Variants in MYOM2 observed in about 807,000 individuals in gnomAD.
MYOM2 encodes myomesin 2.
In MYOM2, 254 loss-of-function variants were observed where a neutral mutation model predicts 187.6. That is an observed-to-expected ratio of 1.35 (90% CI 1.22 to 1.50). The LOEUF (loss-of-function observed/expected upper bound fraction) is 1.50. MYOM2 is among the 40% of genes most tolerant of loss of function. The pLI is 0.00. For missense variants in MYOM2, 2,796 were observed against 1,924.0 expected (o/e 1.45, Z -8.48); for synonymous variants, 981 against 753.8 (o/e 1.30, Z -4.94).
rs2116842467 is a variant in MYOM2 at position 2,118,027 on chromosome 8, GCTGTGGCCAGAT to G, written c.3453+81_3453+92del. The G allele has an allele frequency of 2.3e-6, 3 of 1,308,190 alleles. No homozygotes were observed. The South Asian group carries it at 3.7e-5, about 16-fold the overall frequency. The allele number at this position is 1,308,190 out of a possible 1,614,324, so 81.0% of individuals were successfully genotyped here. On this transcript the variant is annotated intron_variant, in intron 28 of 36. Transcript: ENST00000262113. ...TATCAGAGAGGCCTTTCAGGGAGTA[GCTGTGGCCAGAT>G]CTGTGATGCTGGTGAGGAAACGTGT...
At position 2,085,274 on chromosome 8, in the gene MYOM2, G is replaced by A; in HGVS notation, c.1528G>A (p.Val510Ile). 1.2e-6 allele frequency: 2 copies of A among 1,614,044 alleles called. No individual in the cohort carries two copies. Among genetic ancestry groups the A allele is most frequent in the Non-Finnish European group, 1.7e-6 (2 of 1,179,988 alleles). The change falls in exon 14 of 37, where the codon GTT becomes ATT. Residue 510 changes from valine (V) to isoleucine (I), a missense_variant. Coordinates refer to ENST00000262113, the MANE Select transcript of MYOM2 (RefSeq NM_003970.4). ...TATTATTCCTCCAGGTGACGCCCAG[G>A]TTCCAGGGCCTCCCACCGGTGTGCA... ...YQDDLEGDAQVPGPPTGVHAS... is the reference protein window; with the variant it reads ...YQDDLEGDAQIPGPPTGVHAS...
chr8:2,104,123 C>T (rs193216895), intron 21 of MYOM2, among the ~76,000 whole-genome samples: 105 of 142,908 alleles, frequency 7.3e-4, no homozygotes, highest in African/African-American at 2.8e-3. Flanking sequence ...TTAAATATTA[C>T]TGCTGGATTT....
chr8:2,117,107 A>T (rs1797275179), intron 27 of MYOM2, among the ~76,000 whole-genome samples: 1 of 152,178 alleles, frequency 6.6e-6, no homozygotes, highest in Non-Finnish European at 1.5e-5. Context: ...TTCTTGAGAA[A>T]AATTAGAATG....
intron 32 of MYOM2, among the ~76,000 whole-genome samples, chr8:2,130,380 A>T (rs1433217457): frequency 8.3e-6 from 1 of 120,474 alleles, no homozygotes; most frequent in Non-Finnish European, 1.6e-5. Flanking sequence ...ACTACGCTAT[A>T]CCCAGGGTGC....
intron 21 of MYOM2, among the ~76,000 whole-genome samples, chr8:2,105,914 C>T (rs1007433385): frequency 6.6e-6 from 1 of 152,166 alleles, no homozygotes; most frequent in Non-Finnish European, 1.5e-5. Context: ...ACTGACAGTC[C>T]TTCGTGGCTG....
intron 35 of MYOM2, 107 bp downstream of exon 35, chr8:2,142,504 C>A: frequency 8.9e-7 from 1 of 1,124,590 alleles, no homozygotes; most frequent in Non-Finnish European, 1.4e-6. Context: ...AACCAGCAAT[C>A]CCCCACCCTG....
At chr8:2,086,076 T>C (rs373742145) in intron 14 of MYOM2, among the ~76,000 whole-genome samples, 59 of 86 alleles carry the variant, frequency 0.69, 25 homozygotes, top group Admixed American at 0.8. Context: ...TGTGGCCCCC[T>C]ACTGTCGTGA....
chr8:2,074,675 G>C (rs1270436039), intron 10 of MYOM2, among the ~76,000 whole-genome samples: 2 of 152,018 alleles, frequency 1.3e-5, no homozygotes. Flanking sequence ...GGCTGGTCTC[G>C]AACTCTTGAT....
chr8:2,083,081 G>C (rs909580184), intron 13 of MYOM2, among the ~76,000 whole-genome samples: 5 of 152,142 alleles, frequency 3.3e-5, no homozygotes, highest in Middle Eastern at 3.4e-3. Flanking sequence ...CACATGAACA[G>C]AACCCAAAAT....
At chr8:2,141,119 C>A in intron 33 of MYOM2, 22 bp from the exon 34 acceptor site, 3 of 1,608,444 alleles carry the variant, frequency 1.9e-6, no homozygotes, top group Admixed American at 3.3e-5. Context: ...TGGTTAGTAA[C>A]GTATGAACTA....
intron 13 of MYOM2, among the ~76,000 whole-genome samples, chr8:2,083,695 C>T (rs78958395): frequency 0.022 from 3,334 of 152,272 alleles, 48 homozygotes; most frequent in East Asian, 0.03. Flanking sequence ...CTCCCTGGCT[C>T]GAGGGACCCT....
At chr8:2,055,650 T>A (rs1429404780) in intron 3 of MYOM2, among the ~76,000 whole-genome samples, 1 of 152,160 alleles carries the variant, frequency 6.6e-6, no homozygotes, top group Non-Finnish European at 1.5e-5. Flanking sequence ...CAATTCTGAT[T>A]GCGAACTTCC....
At chr8:2,091,334 G>T (rs1020597699) in intron 15 of MYOM2, among the ~76,000 whole-genome samples, 1 of 152,122 alleles carries the variant, frequency 6.6e-6, no homozygotes, top group Non-Finnish European at 1.5e-5. Context: ...GTGAGCCAGG[G>T]TGCCCAGCCA....
chr8:2,046,765 T>C (rs1454709540), intron 1 of MYOM2, among the ~76,000 whole-genome samples: 1 of 149,760 alleles, frequency 6.7e-6, no homozygotes, highest in Non-Finnish European at 1.5e-5. Context: ...TTTTTTTTTT[T>C]GGTTGGTGTG....
At chr8:2,079,526 A>C (rs763395385) in intron 12 of MYOM2, 34 bp from the exon 13 acceptor site, 1 of 1,611,572 alleles carries the variant, frequency 6.2e-7, no homozygotes, top group East Asian at 2.2e-5. Flanking sequence ...AAAACTTCGC[A>C]TGTCAAATCG....
chr8:2,114,543 C>T (rs940373040), intron 25 of MYOM2, among the ~76,000 whole-genome samples: 3 of 152,182 alleles, frequency 2.0e-5, no homozygotes, highest in Non-Finnish European at 4.4e-5. Context: ...ACTGTGATCT[C>T]GGTTCACTGC....
At chr8:2,045,742 T>A (rs552187434) in intron 1 of MYOM2, among the ~76,000 whole-genome samples, 1 of 152,322 alleles carries the variant, frequency 6.6e-6, no homozygotes, top group East Asian at 1.9e-4. Context: ...TGCTGTTGGG[T>A]GTGTTGTGAC....
intron 32 of MYOM2, among the ~76,000 whole-genome samples, chr8:2,132,139 G>T (rs769647389): frequency 4.6e-5 from 7 of 152,172 alleles, no homozygotes; most frequent in Non-Finnish European, 1.0e-4. Flanking sequence ...AAAATTTGTT[G>T]CAATATACTT....
intron 14 of MYOM2, among the ~76,000 whole-genome samples, chr8:2,089,682 A>T (rs1025796): frequency 2.6e-5 from 4 of 152,206 alleles, no homozygotes; most frequent in Non-Finnish European, 4.4e-5. Context: ...ATTATCTTTC[A>T]TTATTTGCAG....
Sources: gnomAD v4.1 joint callset for allele counts (sites outside exome capture counted in the v4.1 genomes callset) on GRCh38, gnomAD v4.1.1 for gene constraint, MANE v1.5 for transcripts, NCBI Gene and HGNC (gene_info 2026-07-23, HGNC 2026-07-21) for gene names.